Variants in SLC1A7 observed in about 807,000 individuals in gnomAD.
The protein encoded by SLC1A7 is solute carrier family 1 member 7.
SLC1A7 carries 40 observed loss-of-function variants against 47.7 expected under a neutral mutation model. That is an observed-to-expected ratio of 0.84 (90% confidence interval 0.65 to 1.09). The LOEUF is 1.09. SLC1A7 is among the 50% of genes least tolerant of loss of function. SLC1A7 has a pLI of 0.00. For missense variants in SLC1A7, 746 were observed against 769.5 expected, an observed-to-expected ratio of 0.97 and a Z score of 0.36; for synonymous variants, 323 against 325.6, an observed-to-expected ratio of 0.99 and a Z score of 0.09.
At chr1:53,139,396 T>C (rs545262676) in intron 1 of SLC1A7, among the ~76,000 whole-genome samples, 1 of 152,118 alleles carries the variant, frequency 6.6e-6, no homozygotes, top group Non-Finnish European at 1.5e-5. Flanking sequence ...TTAATTAGTT[T>C]GAAGTAGGTG....
intron 2 of SLC1A7, chr1:53,118,343 A>G (rs1050321132): frequency 2.0e-5 from 3 of 152,224 alleles, no homozygotes; most frequent in African/African-American, 7.2e-5. Flanking sequence ...TGGGTGTTAT[A>G]AGTAATTTTT....
At chr1:53,136,768 G>C (rs1645004914) in intron 1 of SLC1A7, among the ~76,000 whole-genome samples, 1 of 149,566 alleles carries the variant, frequency 6.7e-6, no homozygotes, top group Non-Finnish European at 1.5e-5. Context: ...CTGGGCTCAA[G>C]TAATCTTCAC....
At chr1:53,093,772 A>G (rs372074212) in intron 5 of SLC1A7, among the ~76,000 whole-genome samples, 4 of 149,806 alleles carry the variant, frequency 2.7e-5, no homozygotes, top group Non-Finnish European at 5.9e-5. Context: ...GCAGCAGCCA[A>G]TGTCACCTCC....
At chr1:53,090,846 C>A in intron 7 of SLC1A7, 40 bp from the exon 8 acceptor site, 1 of 1,574,222 alleles carries the variant, frequency 6.4e-7, no homozygotes, top group Non-Finnish European at 8.6e-7. Flanking sequence ...GCACCCTCCT[C>A]CAGGATGGCT....
intron 8 of SLC1A7, 64 bp from the exon 9 acceptor site, chr1:53,089,998 C>T: frequency 6.3e-7 from 1 of 1,588,010 alleles, no homozygotes; most frequent in Non-Finnish European, 8.6e-7. Context: ...CAGGGTCTGG[C>T]TCCAAGGAAG....
Position 53,092,900 on chromosome 1 carries a change from A to C in SLC1A7, c.798-113T>G, listed in dbSNP as rs529509073. ...TGAGCTTCCTGGGGCTCCTGCGAGG[A>C]CAGAGCGAGACTGCCAAGGTGCCCG... is the stretch of plus-strand genomic sequence containing the variant. On this transcript the variant is annotated intron_variant, in intron 6 of 10. Transcript: ENST00000371494. 28 of 557,916 alleles carry C rather than the reference A, an allele frequency of 5.0e-5. No homozygotes were observed. In the South Asian group the frequency reaches 5.1e-4, roughly 10 times the overall value. The allele number at this position is 557,916 out of a possible 1,614,324, so 34.6% of individuals were successfully genotyped here. A position where few individuals can be genotyped will look rare whatever the true frequency, so the allele number is the denominator to read the frequency against.
At chr1:53,103,629 GACA>G in intron 4 of SLC1A7, 61 bp from the exon 5 acceptor site, 1 of 984,296 alleles carries the variant, frequency 1.0e-6, no homozygotes, top group Non-Finnish European at 1.5e-6. Context: ...TAATATTAAC[GACA>G]ACAATAATAG....
rs35707549 is a variant in SLC1A7 at position 53,088,861 on chromosome 1, A to AT, written c.1464+15dup. On this transcript the variant is annotated intron_variant, in intron 10 of 10. Transcript: ENST00000371494. ...GCTCCACCCTCCTGGCAGCCTCTGGATCTCACTGCTCTCACCTCGGTGCCT... is the reference window on the plus strand; with the variant it reads ...GCTCCACCCTCCTGGCAGCCTCTGGATTCTCACTGCTCTCACCTCGGTGCCT... The AT allele has an allele frequency of 0.15, 245,289 of 1,607,084 alleles. 19,840 individuals are homozygous for AT. Among genetic ancestry groups the AT allele is most frequent in the Middle Eastern group, 0.23 (1,389 of 6,044 alleles).
intron 2 of SLC1A7, among the ~76,000 whole-genome samples, chr1:53,123,284 C>T (rs1644844346): frequency 6.6e-6 from 1 of 152,212 alleles, no homozygotes; most frequent in South Asian, 2.1e-4. Flanking sequence ...AGGTCTCCTG[C>T]CTCCCCTCCC....
At position 53,089,917 on chromosome 1, in the gene SLC1A7, G is replaced by T. The variant is rs772893550; in HGVS notation, c.1244C>A (p.Ala415Asp). 5 of 1,613,590 alleles carry T rather than the reference G, an allele frequency of 3.1e-6. No homozygotes were observed. The Admixed American group carries it at 8.3e-5, about 27-fold the overall frequency. The change falls in exon 9 of 11, where the codon GCC becomes GAC. Residue 415 changes from alanine (A) to aspartate (D), a missense_variant. By Grantham distance (126) the Ala-to-Asp change is moderately radical. Coordinates refer to ENST00000371494, the MANE Select transcript of SLC1A7 (RefSeq NM_006671.6). ...GGGGATGCCAGCTGCCCCAATGCTGGCTGCAGTGGCTGTGATACTGCAGGG... is the reference window on the plus strand; with the variant it reads ...GGGGATGCCAGCTGCCCCAATGCTGTCTGCAGTGGCTGTGATACTGCAGGG... Reference protein sequence around the residue: ...IITISITATAASIGAAGIPQA... With the variant: ...IITISITATADSIGAAGIPQA...
Position 53,142,600 on chromosome 1 carries a change from C to G in SLC1A7, c.-151G>C, listed in dbSNP as rs1027891065. 1 of 774,976 alleles carries G rather than the reference C, an allele frequency of 1.3e-6. No individual in the cohort carries two copies. Among genetic ancestry groups the G allele is most frequent in the Non-Finnish European group, 2.0e-6 (1 of 504,232 alleles). 48.0% of individuals were successfully genotyped at this position (774,976 alleles called of 1,614,324 possible). Reference sequence around the variant, plus strand: ...CAGTCGCCAGCCCCACGGCCATGCCCGTGTGGCCGCCTTAGAGGGAAGCCA... The same window carrying G: ...CAGTCGCCAGCCCCACGGCCATGCCGGTGTGGCCGCCTTAGAGGGAAGCCA... On this transcript the variant is annotated 5_prime_UTR_variant, in exon 1 of 11. Coordinates refer to ENST00000371494, the MANE Select transcript of SLC1A7 (RefSeq NM_006671.6).
At chr1:53,128,631 G>A (rs1243715533) in intron 2 of SLC1A7, among the ~76,000 whole-genome samples, 2 of 143,074 alleles carry the variant, frequency 1.4e-5, no homozygotes, top group Non-Finnish European at 3.1e-5. Flanking sequence ...ATGTGCAGGT[G>A]TGCACGACTC....
chr1:53,137,287 C>CAAAAAAAAAGAAAAAAAAAAAAAAA (rs1645011252), intron 1 of SLC1A7, among the ~76,000 whole-genome samples: 1 of 100,750 alleles, frequency 9.9e-6, no homozygotes, highest in African/African-American at 3.9e-5. Flanking sequence ...ACGCTATCTC[C>CAAAAAAAAAGAAAAAAAAAAAAAAA]AAAAAAAAAA....
intron 9 of SLC1A7, among the ~76,000 whole-genome samples, chr1:53,089,256 T>TGTTTG (rs1553161144): frequency 1.4e-5 from 2 of 147,122 alleles, no homozygotes; most frequent in Non-Finnish European, 3.0e-5. Flanking sequence ...TAGGTTTGTT[T>TGTTTG]TTTGTTTGTT....
At chr1:53,101,470 GA>G (rs1644579666) in intron 5 of SLC1A7, among the ~76,000 whole-genome samples, 1 of 142,934 alleles carries the variant, frequency 7.0e-6, no homozygotes, top group Admixed American at 7.0e-5. Context: ...ACACCACCTC[GA>G]AACACCCACA....
chr1:53,092,546 G>C lies in SLC1A7; in HGVS notation c.1031+8C>G, dbSNP rs777368730. ...GCTCCCCACCGTCCTGCCCGTCCCC[G>C]GGGCTACCTGGAGGAGGTGGCCAGC... On this transcript the variant is annotated splice_region_variant and intron_variant, in intron 7 of 10. Transcript: ENST00000371494. The C allele has an allele frequency of 1.0e-4, 160 of 1,601,194 alleles. No homozygotes were observed. Among genetic ancestry groups the C allele is most frequent in the Non-Finnish European group, 1.3e-4 (157 of 1,168,690 alleles).
chr1:53,106,136 C>T lies in SLC1A7; in HGVS notation c.432-362G>A, dbSNP rs186837722. Among the ~76,000 whole-genome samples, 206 of 152,076 alleles carry T rather than the reference C, an allele frequency of 1.4e-3. 2 individuals are homozygous for T. Among genetic ancestry groups the T allele is most frequent in the Admixed American group, 0.01 (155 of 15,282 alleles). On this transcript the variant is annotated intron_variant, in intron 3 of 10. Transcript: ENST00000371494. The stretch of plus-strand genomic sequence containing the variant: ...CCCTGCGGCCCTTCTGTGTGTAGGT[C>T]GCTGCTGCTCCGCCACACCACCGTG...
chr1:53,134,657 T>C (rs991484158), intron 1 of SLC1A7, among the ~76,000 whole-genome samples: 2 of 152,198 alleles, frequency 1.3e-5, no homozygotes, highest in African/African-American at 4.8e-5. Context: ...AAGCATCTTC[T>C]GTGACCACTC....
At chr1:53,124,087 T>C (rs1367509392) in intron 2 of SLC1A7, among the ~76,000 whole-genome samples, 1 of 152,178 alleles carries the variant, frequency 6.6e-6, no homozygotes, top group Non-Finnish European at 1.5e-5. Flanking sequence ...CCATTTCCAA[T>C]AAGTTAGAAT....
Sources: gnomAD v4.1 joint callset for allele counts (sites outside exome capture counted in the v4.1 genomes callset) on GRCh38, gnomAD v4.1.1 for gene constraint, MANE v1.5 for transcripts, NCBI Gene and HGNC (gene_info 2026-07-23, HGNC 2026-07-21) for gene names.